ADAMTS6: variants seen among roughly 807,000 people sequenced by gnomAD.
ADAMTS6 encodes A disintegrin and metalloproteinase with thrombospondin motifs 6.
ADAMTS6 carries 23 observed loss-of-function variants against 144.3 expected under a neutral mutation model. The ratio of observed to expected loss-of-function variants is 0.16; its 90% CI spans 0.11 to 0.23. ADAMTS6 has a LOEUF of 0.23. Ranked by LOEUF, ADAMTS6 falls within the 10% of genes least tolerant of loss-of-function variation. The probability of loss-of-function intolerance (pLI) is 1.00; values close to 1 mark genes in which losing one functional copy is unlikely to be tolerated. For missense variants in ADAMTS6, 999 were observed against 1,379.6 expected, an observed-to-expected ratio of 0.72 and a Z score of 4.37; for synonymous variants, 444 against 457.5, an observed-to-expected ratio of 0.97 and a Z score of 0.38.
chr5:65,306,460 C>T (rs1026146869), intron 9 of ADAMTS6, among the ~76,000 whole-genome samples: 6 of 151,976 alleles, frequency 3.9e-5, no homozygotes, highest in Admixed American at 3.9e-4. Flanking sequence ...GTGCAAATAT[C>T]AATATAATTT....
At chr5:65,391,421 C>T (rs1487292459) in intron 7 of ADAMTS6, among the ~76,000 whole-genome samples, 1 of 35,134 alleles carries the variant, frequency 2.8e-5, no homozygotes, top group East Asian at 3.1e-4. Context: ...TGTCTCTCTA[C>T]ACACACACAC....
intron 11 of ADAMTS6, among the ~76,000 whole-genome samples, chr5:65,279,184 A>G (rs1490769441): frequency 6.6e-6 from 1 of 152,092 alleles, no homozygotes; most frequent in East Asian, 1.9e-4. Context: ...AGCTCAAGGA[A>G]TCCTCCTGCC....
intron 7 of ADAMTS6, among the ~76,000 whole-genome samples, chr5:65,362,041 G>C (rs1561463656): frequency 6.6e-6 from 1 of 152,094 alleles, no homozygotes; most frequent in African/African-American, 2.4e-5. Flanking sequence ...GGCCTACCAT[G>C]GTAATTTTTA....
At chr5:65,346,105 A>G (rs1748292013) in intron 7 of ADAMTS6, among the ~76,000 whole-genome samples, 1 of 151,980 alleles carries the variant, frequency 6.6e-6, no homozygotes, top group Non-Finnish European at 1.5e-5. Context: ...TTTCCAAAAG[A>G]TTGAAGAAGA....
intron 17 of ADAMTS6, among the ~76,000 whole-genome samples, 172 bp downstream of exon 17, chr5:65,224,752 A>G (rs1309665489): frequency 1.3e-5 from 2 of 152,210 alleles, no homozygotes; most frequent in Non-Finnish European, 2.9e-5. Flanking sequence ...TATTTCCTTA[A>G]AATATTTTAC....
intron 21 of ADAMTS6, 77 bp from the exon 22 acceptor site, chr5:65,188,297 T>C (rs530072943): frequency 2.0e-4 from 269 of 1,356,130 alleles, no homozygotes; most frequent in Non-Finnish European, 2.4e-4. Flanking sequence ...GTGAAGGCAC[T>C]TTCACTGATG....
At chr5:65,459,097 G>A (rs528872549) in intron 4 of ADAMTS6, among the ~76,000 whole-genome samples, 2 of 149,718 alleles carry the variant, frequency 1.3e-5, no homozygotes, top group Non-Finnish European at 3.0e-5. Context: ...GGCAGGTCTC[G>A]AACTCCTGGG....
chr5:65,254,524 T>C (rs765094047), intron 14 of ADAMTS6, among the ~76,000 whole-genome samples: 6 of 152,158 alleles, frequency 3.9e-5, no homozygotes, highest in Non-Finnish European at 8.8e-5. Context: ...ACTGTTGAGT[T>C]AGAGAAACAG....
chr5:65,212,232 T>C (rs568098887), intron 20 of ADAMTS6, among the ~76,000 whole-genome samples: 1 of 152,264 alleles, frequency 6.6e-6, no homozygotes, highest in South Asian at 2.1e-4. Context: ...GGCAGCTCTT[T>C]ACACCATGCC....
intron 7 of ADAMTS6, among the ~76,000 whole-genome samples, chr5:65,445,985 G>C (rs768948252): frequency 6.6e-6 from 1 of 152,174 alleles, no homozygotes. Flanking sequence ...AGCGTGGTAA[G>C]AGAAAAATAA....
In ADAMTS6 at chr5:65,452,140, T is replaced by C. The variant is rs773498175; in HGVS notation, c.920A>G (p.Glu307Gly). 1.4e-5 allele frequency: 22 copies of C among 1,609,084 alleles called. No homozygotes were observed. Among genetic ancestry groups the C allele is most frequent in the Non-Finnish European group, 1.4e-5 (17 of 1,177,108 alleles). Residue 307 changes from glutamate to glycine, a missense_variant, in exon 6 of 25, where the codon GAA becomes GGA. Transcript: ENST00000381055. ...AAACTAACTCATTCTTACCTGATCT[T>C]CTGTGAGAACAATTAAGCGGGCCAC... ...IIVARLIVLTEDQPNLEINHH... is the reference protein window; with the variant it reads ...IIVARLIVLTGDQPNLEINHH...
rs189825429 is a variant in ADAMTS6, at chr5:65,378,028, T to C, written c.1074-43943A>G. Among the ~76,000 whole-genome samples the C allele has an allele frequency of 1.3e-3, 192 of 151,704 alleles. No homozygotes were observed. The East Asian group carries it at 0.032, about 25-fold the overall frequency. On this transcript the variant is annotated intron_variant, in intron 7 of 24. Coordinates refer to ENST00000381055, the MANE Select transcript of ADAMTS6 (RefSeq NM_197941.4). ...CTCTGTCTCTGTATGTCTTTTTTTC[T>C]TATAAGGACACTAGCCACATCAGAG...
intron 4 of ADAMTS6, among the ~76,000 whole-genome samples, chr5:65,454,140 C>T (rs1758990240): frequency 6.6e-6 from 1 of 152,162 alleles, no homozygotes; most frequent in Non-Finnish European, 1.5e-5. Context: ...GCACTCACTT[C>T]CTCCTCTTGC....
chr5:65,292,936 T>G (rs112009286), intron 10 of ADAMTS6, among the ~76,000 whole-genome samples: 1 of 152,094 alleles, frequency 6.6e-6, no homozygotes, highest in African/African-American at 2.4e-5. Flanking sequence ...TTTATTATAC[T>G]TTTAGAAATT....
intron 7 of ADAMTS6, among the ~76,000 whole-genome samples, chr5:65,357,532 A>T (rs1749431895): frequency 6.6e-6 from 1 of 151,752 alleles, no homozygotes; most frequent in Non-Finnish European, 1.5e-5. Flanking sequence ...AGAGACTAAA[A>T]AAACAATAAA....
chr5:65,278,801 T>A lies in ADAMTS6; in HGVS notation c.1513-5354A>T, dbSNP rs1453908355. Reference sequence around the variant, plus strand: ...ATATCTTAATTGTATTCTCATTTTTTAATGATATTTAAATTGAATATACTA... The same window carrying A: ...ATATCTTAATTGTATTCTCATTTTTAAATGATATTTAAATTGAATATACTA... On this transcript the variant is annotated intron_variant, in intron 11 of 24. Transcript: ENST00000381055. Among the ~76,000 whole-genome samples the A allele has an allele frequency of 5.3e-5, 8 of 152,352 alleles. No homozygotes were observed. In the East Asian group the frequency reaches 5.8e-4, roughly 11 times the overall value.
chr5:65,415,080 C>T (rs1755388025), intron 7 of ADAMTS6, among the ~76,000 whole-genome samples: 1 of 152,140 alleles, frequency 6.6e-6, no homozygotes. Flanking sequence ...ATTTGCGAAT[C>T]ATATATGATA....
At chr5:65,330,383 A>G (rs1746595581) in intron 8 of ADAMTS6, among the ~76,000 whole-genome samples, 1 of 152,168 alleles carries the variant, frequency 6.6e-6, no homozygotes, top group Non-Finnish European at 1.5e-5. Context: ...ATGCCAAATC[A>G]TATTTCATGC....
intron 20 of ADAMTS6, among the ~76,000 whole-genome samples, chr5:65,206,770 C>CA (rs1226466033): frequency 1.4e-5 from 2 of 147,342 alleles, no homozygotes; most frequent in African/African-American, 5.0e-5. Context: ...TGTCCTAGCT[C>CA]AAAAAAAAGA....
Sources: allele counts gnomAD v4.1 joint callset (sites outside exome capture counted in the v4.1 genomes callset), GRCh38; gene constraint gnomAD v4.1.1; transcripts MANE v1.5; gene names NCBI Gene and HGNC (gene_info 2026-07-23, HGNC 2026-07-21).